Variants in TMEM255B observed in about 807,000 individuals in gnomAD.
The protein encoded by TMEM255B is family with sequence similarity 70, member B.
In TMEM255B, 35 loss-of-function variants were observed where a neutral mutation model predicts 34.5. That is an observed-to-expected ratio of 1.01 (90% CI 0.77 to 1.34). TMEM255B has a LOEUF of 1.34. Among genes scored for constraint, TMEM255B ranks in the 40% most tolerant of loss-of-function variants. The pLI is 0.00. For synonymous variants in TMEM255B, 206 were observed against 201.2 expected (o/e 1.02, Z -0.20); for missense variants, 432 against 433.2 (o/e 1.00, Z 0.02).
chr13:113,797,041 G>A (rs867525633), intron 4 of TMEM255B, among the ~76,000 whole-genome samples: 1 of 152,382 alleles, frequency 6.6e-6, no homozygotes, highest in Non-Finnish European at 1.5e-5. Flanking sequence ...GCTTCCAGAC[G>A]GTGGTTTCCA....
At chr13:113,800,299 C>CTGTG (rs1491395254) in intron 5 of TMEM255B, among the ~76,000 whole-genome samples, 2 of 62,644 alleles carry the variant, frequency 3.2e-5, no homozygotes, top group Admixed American at 1.4e-4. Flanking sequence ...GGGAGGCGTC[C>CTGTG]TCTGTGTGTG....
At chr13:113,800,063 C>G (rs1033800923) in intron 5 of TMEM255B, 2 of 1,065,888 alleles carry the variant, frequency 1.9e-6, no homozygotes, top group Non-Finnish European at 2.4e-6. Context: ...CGGGAGGCAT[C>G]GTGTGTGTGT....
intron 3 of TMEM255B, among the ~76,000 whole-genome samples, chr13:113,771,968 A>G (rs2050485602): frequency 6.6e-6 from 1 of 152,174 alleles, no homozygotes; most frequent in East Asian, 1.9e-4. Flanking sequence ...ATTCCCACAG[A>G]CAGGCATGAG....
intron 3 of TMEM255B, among the ~76,000 whole-genome samples, chr13:113,779,928 G>T (rs1244310724): frequency 8.5e-5 from 13 of 152,154 alleles, no homozygotes; most frequent in Admixed American, 7.2e-4. Context: ...GGTAGGACTG[G>T]TTTACTTTAT....
intron 8 of TMEM255B, among the ~76,000 whole-genome samples, chr13:113,809,356 G>C (rs542606695): frequency 1.1e-4 from 8 of 70,086 alleles, no homozygotes; most frequent in Admixed American, 3.3e-4. Context: ...GTGGTTCCTG[G>C]GGGGAGGGGT....
intron 1 of TMEM255B, among the ~76,000 whole-genome samples, chr13:113,764,937 A>G (rs1406569054): frequency 2.0e-5 from 3 of 152,220 alleles, no homozygotes; most frequent in Non-Finnish European, 4.4e-5. Flanking sequence ...GGCCTGGAGT[A>G]TAACACTAAG....
At chr13:113,809,647 C>T (rs1049974067) in intron 8 of TMEM255B, among the ~76,000 whole-genome samples, 27 of 144,722 alleles carry the variant, frequency 1.9e-4, no homozygotes, top group African/African-American at 6.4e-4. Context: ...GGGTTTACTC[C>T]GTGGTTCCTG....
At chr13:113,802,822 C>T (rs1415771167) in intron 7 of TMEM255B, among the ~76,000 whole-genome samples, 2 of 148,484 alleles carry the variant, frequency 1.3e-5, no homozygotes, top group African/African-American at 2.5e-5. Context: ...CCAAGCCCCA[C>T]CCTGGGCCCC....
Position 113,769,911 on chromosome 13 carries a change from A to C in TMEM255B, c.252+751A>C, listed in dbSNP as rs2050450269. On this transcript the variant is annotated intron_variant, in intron 3 of 8. Coordinates refer to ENST00000375353, the MANE Select transcript of TMEM255B (RefSeq NM_182614.4). The surrounding 1 kb of genome is among the most constrained non-coding windows in gnomAD (Gnocchi z 4.2). Reference sequence around the variant, plus strand: ...TGCTTCAGAGCAGGCTGGAGTTCTCAGCTCTTCCCTGCACCGGCTGTCATG... The same window carrying C: ...TGCTTCAGAGCAGGCTGGAGTTCTCCGCTCTTCCCTGCACCGGCTGTCATG... 1 of 152,240 alleles carries C rather than the reference A, an allele frequency of 6.6e-6. No homozygotes were observed. The highest frequency in any genetic ancestry group is 6.5e-5 in the Admixed American group (1 of 15,284). The allele number at this position is 152,240 out of a possible 1,614,324, so 9.4% of individuals were successfully genotyped here.
intron 3 of TMEM255B, among the ~76,000 whole-genome samples, chr13:113,792,075 G>T (rs2050842586): frequency 6.6e-6 from 1 of 152,262 alleles, no homozygotes; most frequent in Non-Finnish European, 1.5e-5. Context: ...CTCTGGGAAG[G>T]TGGAGGGGCT....
At chr13:113,764,194 TG>T (rs1320591550) in intron 1 of TMEM255B, among the ~76,000 whole-genome samples, 9 of 152,150 alleles carry the variant, frequency 5.9e-5, no homozygotes. Context: ...TAACAGACAC[TG>T]GGTGATGGAT....
At chr13:113,791,176 G>A (rs1566734119) in intron 3 of TMEM255B, among the ~76,000 whole-genome samples, 1 of 152,204 alleles carries the variant, frequency 6.6e-6, no homozygotes, top group South Asian at 2.1e-4. Flanking sequence ...GTTGCAGCAG[G>A]TTCCTGGCTC....
At chr13:113,766,343 G>A in intron 2 of TMEM255B, 86 bp downstream of exon 2, 8 of 1,576,194 alleles carry the variant, frequency 5.1e-6, no homozygotes, top group Non-Finnish European at 7.0e-6. Flanking sequence ...CAGCTCACAG[G>A]GCTGGGGCTG....
At chr13:113,776,030 G>T (rs979886550) in intron 3 of TMEM255B, among the ~76,000 whole-genome samples, 1 of 152,142 alleles carries the variant, frequency 6.6e-6, no homozygotes, top group South Asian at 2.1e-4. Flanking sequence ...CTCCTGGACC[G>T]TGGTGGGACC....
intron 3 of TMEM255B, among the ~76,000 whole-genome samples, chr13:113,794,140 G>A (rs979924040): frequency 2.0e-5 from 3 of 152,186 alleles, no homozygotes; most frequent in African/African-American, 7.2e-5. Context: ...TGAGGGTCAC[G>A]GTCGATGGAA....
At chr13:113,763,675 T>G (rs186588808) in intron 1 of TMEM255B, among the ~76,000 whole-genome samples, 17 of 152,374 alleles carry the variant, frequency 1.1e-4, no homozygotes, top group Non-Finnish European at 2.1e-4. Flanking sequence ...AATTTTATTT[T>G]CCCTTTTGCA....
chr13:113,768,650 G>A (rs1276298615), intron 2 of TMEM255B, among the ~76,000 whole-genome samples: 1 of 152,198 alleles, frequency 6.6e-6, no homozygotes, highest in Non-Finnish European at 1.5e-5. Context: ...TCTGAGCAGG[G>A]GTCACTGGTG....
chr13:113,812,945 G>GATAGGTCTCGGGTGGATCACAGA lies in TMEM255B; in HGVS notation c.*1042_*1043insATAGGTCTCGGGTGGATCACAGA, dbSNP rs1566342036. The GATAGGTCTCGGGTGGATCACAGA allele has an allele frequency of 6.9e-6, 1 of 144,786 alleles. No individual in the cohort carries two copies. The highest frequency in any genetic ancestry group is 2.1e-4 in the East Asian group (1 of 4,776). The allele number at this position is 144,786 out of a possible 1,614,324, so 9.0% of individuals were successfully genotyped here. On this transcript the variant is annotated 3_prime_UTR_variant, in exon 9 of 9. Transcript: ENST00000375353. ...GTCACGGGTCCCGGGTGGGTCACGG[G>GATAGGTCTCGGGTGGATCACAGA]TCCCGGGTGGGTCACGGGCCCCGGG...
chr13:113,795,263 A>T, intron 4 of TMEM255B, 26 bp downstream of exon 4: 1 of 1,604,640 alleles, frequency 6.2e-7, no homozygotes, highest in Non-Finnish European at 8.5e-7. Flanking sequence ...TTGTGTGCAC[A>T]GTCGCTTTCC....
Sources: allele counts gnomAD v4.1 joint callset (sites outside exome capture counted in the v4.1 genomes callset), GRCh38; gene constraint gnomAD v4.1.1; non-coding constraint Gnocchi (gnomAD v3.1); transcripts MANE v1.5; gene names NCBI Gene and HGNC (gene_info 2026-07-23, HGNC 2026-07-21).